The following MARCHF1 variants were observed in gnomAD, a reference collection of about 807,000 sequenced individuals.
MARCHF1 encodes E3 ubiquitin-protein ligase MARCHF1.
A neutral mutation model predicts 54.2 loss-of-function variants in MARCHF1; 40 were observed. The ratio of observed to expected loss-of-function variants is 0.74; its 90% CI spans 0.57 to 0.96. MARCHF1 has a LOEUF of 0.96. Ranked by LOEUF, MARCHF1 falls within the 40% of genes least tolerant of loss-of-function variation. The pLI is 0.00. For synonymous variants in MARCHF1, 236 were observed against 236.3 expected (o/e 1.00, Z 0.01); for missense variants, 586 against 656.5 (o/e 0.89, Z 1.17).
intron 1 of MARCHF1, among the ~76,000 whole-genome samples, chr4:164,177,303 A>G (rs1173822678): frequency 6.6e-6 from 1 of 152,054 alleles, no homozygotes; most frequent in Non-Finnish European, 1.5e-5. Flanking sequence ...CAAAAGAGAA[A>G]TCCTTTTGTA....
chr4:164,208,696 G>C (rs1372074587), intron 1 of MARCHF1, among the ~76,000 whole-genome samples: 1 of 152,184 alleles, frequency 6.6e-6, no homozygotes, highest in African/African-American at 2.4e-5. Flanking sequence ...GTATTGAAAT[G>C]GGCATTTAAA....
chr4:164,233,290 C>T (rs1048627663), intron 1 of MARCHF1, among the ~76,000 whole-genome samples: 6 of 151,972 alleles, frequency 3.9e-5, no homozygotes, highest in African/African-American at 1.2e-4. Context: ...ATAATCAGAC[C>T]CTGGTCTTAT....
chr4:164,055,527 C>T (rs942323397), intron 2 of MARCHF1, among the ~76,000 whole-genome samples: 20 of 151,404 alleles, frequency 1.3e-4, no homozygotes, highest in African/African-American at 4.6e-4. Flanking sequence ...TTTCTCTCCC[C>T]GAAAATAGGG....
At chr4:164,129,992 G>C (rs1211571791) in intron 1 of MARCHF1, 1 of 151,992 alleles carries the variant, frequency 6.6e-6, no homozygotes, top group African/African-American at 2.4e-5. Flanking sequence ...CTTACTTTTT[G>C]AAAATAAATC....
At chr4:164,378,347 G>A (rs1166667154) in intron 1 of MARCHF1, among the ~76,000 whole-genome samples, 3 of 152,224 alleles carry the variant, frequency 2.0e-5, no homozygotes, top group Non-Finnish European at 2.9e-5. Context: ...GAAGTAAAAG[G>A]TGTAGCGCTC....
At chr4:163,810,845 C>T (rs1433090266) in intron 4 of MARCHF1, among the ~76,000 whole-genome samples, 2 of 152,108 alleles carry the variant, frequency 1.3e-5, no homozygotes, top group African/African-American at 4.8e-5. Context: ...GAAGCCATTC[C>T]CTTCCATCCA....
chr4:163,527,884 CAA>C lies in MARCHF1; in HGVS notation c.*862_*863del, dbSNP rs1427518234. On this transcript the variant is annotated 3_prime_UTR_variant, in exon 10 of 10. Transcript: ENST00000514618. Reference sequence around the variant, plus strand: ...ATAACATATAGTGTTTTTAAAAAATCAAAATTCATTTTAACAAACAAACATTT... The same window carrying C: ...ATAACATATAGTGTTTTTAAAAAATCAATTCATTTTAACAAACAAACATTT... 3 of 151,956 alleles carry C rather than the reference CAA, an allele frequency of 2.0e-5. No individual in the cohort carries two copies. In the East Asian group the frequency reaches 5.8e-4, roughly 29 times the overall value. The allele number at this position is 151,956 out of a possible 1,614,324, so 9.4% of individuals were successfully genotyped here.
chr4:164,159,620 T>C (rs1208618514), intron 1 of MARCHF1, among the ~76,000 whole-genome samples: 1 of 152,188 alleles, frequency 6.6e-6, no homozygotes, highest in Non-Finnish European at 1.5e-5. Context: ...TACAGCACGT[T>C]CTCAATATGA....
intron 1 of MARCHF1, among the ~76,000 whole-genome samples, chr4:164,296,670 C>G (rs1210794834): frequency 6.6e-6 from 1 of 152,186 alleles, no homozygotes; most frequent in East Asian, 1.9e-4. Context: ...ATGTCTGGCC[C>G]AAACTCTTTA....
intron 3 of MARCHF1, among the ~76,000 whole-genome samples, chr4:163,940,493 G>GATTGTGTGTGTGTTTC (rs1269209648): frequency 6.6e-6 from 1 of 152,022 alleles, no homozygotes; most frequent in East Asian, 1.9e-4. Flanking sequence ...TACTGTAATA[G>GATTGTGTGTGTGTTTC]ATTGTGTGTG....
At chr4:164,152,010 T>C (rs1729955873) in intron 1 of MARCHF1, among the ~76,000 whole-genome samples, 1 of 152,176 alleles carries the variant, frequency 6.6e-6, no homozygotes, top group Admixed American at 6.6e-5. Flanking sequence ...TCTATATATT[T>C]AGTGCCTACT....
chr4:164,295,621 A>C (rs1007352200), intron 1 of MARCHF1, among the ~76,000 whole-genome samples: 1 of 152,238 alleles, frequency 6.6e-6, no homozygotes, highest in Non-Finnish European at 1.5e-5. Context: ...CAATTAAAGT[A>C]GAACTATTAA....
intron 4 of MARCHF1, among the ~76,000 whole-genome samples, chr4:163,722,349 T>A (rs1340461206): frequency 6.6e-6 from 1 of 152,154 alleles, no homozygotes; most frequent in African/African-American, 2.4e-5. Flanking sequence ...TTTGAGTGAG[T>A]TTCTGAATCC....
intron 1 of MARCHF1, among the ~76,000 whole-genome samples, chr4:164,381,284 T>C (rs2110989790): frequency 6.6e-6 from 1 of 152,334 alleles, no homozygotes; most frequent in East Asian, 1.9e-4. Flanking sequence ...GAATACTCTC[T>C]AGTTCAAGGA....
chr4:163,696,421 C>T (rs541317635), intron 5 of MARCHF1, among the ~76,000 whole-genome samples: 1 of 152,124 alleles, frequency 6.6e-6, no homozygotes, highest in Admixed American at 6.6e-5. Context: ...GTCTCAAGGA[C>T]CTTGATGGGT....
intron 2 of MARCHF1, among the ~76,000 whole-genome samples, chr4:164,097,171 G>T (rs1755433844): frequency 6.6e-6 from 1 of 152,122 alleles, no homozygotes; most frequent in South Asian, 2.1e-4. Flanking sequence ...CATATTTTTT[G>T]AACTTACTGC....
At chr4:163,735,827 T>C (rs556498838) in intron 4 of MARCHF1, among the ~76,000 whole-genome samples, 1 of 152,310 alleles carries the variant, frequency 6.6e-6, no homozygotes, top group South Asian at 2.1e-4. Flanking sequence ...TTGAGATATG[T>C]TGATATATGT....
Position 164,283,162 on chromosome 4 carries a change from A to C in MARCHF1, c.-323+100708T>G, listed in dbSNP as rs929050782. 4.6e-5 allele frequency among the ~76,000 whole-genome samples: 7 copies of C among 151,190 alleles called. 1 individual carries two copies. The highest frequency in any genetic ancestry group is 4.0e-4 in the Admixed American group (6 of 14,928). On this transcript the variant is annotated intron_variant, in intron 1 of 9. Coordinates refer to ENST00000514618, the MANE Select transcript of MARCHF1 (RefSeq NM_001394959.1). ...ATACAAATCTTATTCATGTTTGTAC[A>C]CAAGCTTCTGAAGTTAGAGAGGAAA...
At chr4:163,720,141 T>C (rs1290357600) in intron 4 of MARCHF1, among the ~76,000 whole-genome samples, 1 of 152,238 alleles carries the variant, frequency 6.6e-6, no homozygotes, top group African/African-American at 2.4e-5. Flanking sequence ...GGTTTTCTTC[T>C]AGGGTTTTTA....
Sources: gnomAD v4.1 joint callset for allele counts (sites outside exome capture counted in the v4.1 genomes callset) on GRCh38, gnomAD v4.1.1 for gene constraint, MANE v1.5 for transcripts, NCBI Gene and HGNC (gene_info 2026-07-23, HGNC 2026-07-21) for gene names.